PEX5L: variants seen among roughly 807,000 people sequenced by gnomAD.
PEX5L encodes the protein PEX5-related protein.
PEX5L carries 30 observed loss-of-function variants against 84.0 expected under a neutral mutation model. That is an observed-to-expected ratio of 0.36 (90% confidence interval 0.27 to 0.48). The LOEUF is 0.48. Ranked by LOEUF, PEX5L falls within the 20% of genes least tolerant of loss-of-function variation. The probability of loss-of-function intolerance (pLI) is 0.99; values close to 1 mark genes in which losing one functional copy is unlikely to be tolerated. For synonymous variants in PEX5L, 270 were observed against 283.1 expected, an observed-to-expected ratio of 0.95 and a Z score of 0.46; for missense variants, 533 against 754.6, an observed-to-expected ratio of 0.71 and a Z score of 3.44.
intron 5 of PEX5L, among the ~76,000 whole-genome samples, chr3:179,879,375 G>T (rs1288371043): frequency 1.3e-5 from 2 of 152,110 alleles, no homozygotes; most frequent in Non-Finnish European, 2.9e-5. Flanking sequence ...TGGGCAAATT[G>T]CTTAAATTTT....
chr3:179,987,882 G>T (rs1276913640), intron 1 of PEX5L, among the ~76,000 whole-genome samples: 5 of 152,102 alleles, frequency 3.3e-5, no homozygotes, highest in Non-Finnish European at 7.4e-5. Flanking sequence ...TTGGAAAGTG[G>T]GTAGAGAAGA....
intron 14 of PEX5L, among the ~76,000 whole-genome samples, chr3:179,806,630 AAAT>A (rs1392729392): frequency 6.6e-6 from 1 of 152,258 alleles, no homozygotes; most frequent in African/African-American, 2.4e-5. Context: ...CTTACTAAAT[AAAT>A]AATAGTAATA....
chr3:179,956,933 T>C (rs1014370660), intron 2 of PEX5L, among the ~76,000 whole-genome samples: 8 of 152,174 alleles, frequency 5.3e-5, no homozygotes, highest in African/African-American at 1.9e-4. Context: ...TTTTCCTCTT[T>C]AATTTGATAA....
chr3:179,971,578 G>GT lies in PEX5L; in HGVS notation c.93+15dup. On this transcript the variant is annotated intron_variant, in intron 2 of 14. Coordinates refer to ENST00000467460, the MANE Select transcript of PEX5L (RefSeq NM_016559.3). ...TACAGTAGAACAGTAGAAAATGTAC[G>GT]TAAGTATTCACTTACCTGCTTTTGA... The GT allele has an allele frequency of 1.2e-6, 2 of 1,602,532 alleles. No individual in the cohort carries two copies. The highest frequency in any genetic ancestry group is 2.3e-5 in the East Asian group (1 of 44,444).
chr3:179,917,333 CTTTT>C (rs879717616), intron 2 of PEX5L, among the ~76,000 whole-genome samples: 2 of 147,794 alleles, frequency 1.4e-5, no homozygotes, highest in African/African-American at 5.0e-5. Flanking sequence ...TTACAGCTAA[CTTTT>C]TTTTTTTTTT....
At position 179,833,870 on chromosome 3, in the gene PEX5L, T is replaced by C. The variant is rs544617270; in HGVS notation, c.823-13894A>G. The stretch of plus-strand genomic sequence containing the variant: ...TAAATTTTTTACTTATTATTATTAT[T>C]CTTGCCCAGGCTAGAGTGCAGTGGT... On this transcript the variant is annotated intron_variant, in intron 8 of 14. Transcript: ENST00000467460. 5.9e-5 allele frequency among the ~76,000 whole-genome samples: 9 copies of C among 152,308 alleles called. 2 individuals carry two copies. The East Asian group carries it at 1.2e-3, about 20-fold the overall frequency.
intron 8 of PEX5L, among the ~76,000 whole-genome samples, chr3:179,857,100 G>A (rs1403944519): frequency 2.6e-5 from 4 of 152,138 alleles, no homozygotes; most frequent in African/African-American, 4.8e-5. Flanking sequence ...AAGCCTTCTA[G>A]GATTTTGTAA....
chr3:179,966,129 A>G lies in PEX5L; in HGVS notation c.93+5465T>C, dbSNP rs377314764. The stretch of plus-strand genomic sequence containing the variant: ...TTTCATCGATCAATCTTTCCTGAGG[A>G]AAACACTAATGAGCCTATGTCTGCT... On this transcript the variant is annotated intron_variant, in intron 2 of 14. Coordinates refer to ENST00000467460, the MANE Select transcript of PEX5L (RefSeq NM_016559.3). 1.2e-4 allele frequency among the ~76,000 whole-genome samples: 18 copies of G among 152,344 alleles called. 1 individual carries two copies. Among genetic ancestry groups the G allele is most frequent in the Admixed American group, 3.9e-4 (6 of 15,296 alleles).
intron 7 of PEX5L, among the ~76,000 whole-genome samples, chr3:179,871,928 C>A (rs966812142): frequency 1.3e-5 from 2 of 152,216 alleles, no homozygotes; most frequent in South Asian, 4.1e-4. Flanking sequence ...GCTCTGTCTC[C>A]CATGCTGGAG....
chr3:179,974,015 C>T (rs1296158058), intron 1 of PEX5L: 2 of 985,458 alleles, frequency 2.0e-6, no homozygotes, highest in Non-Finnish European at 2.4e-6. Flanking sequence ...CACTCACTTA[C>T]TGCTTATTTC....
At chr3:179,966,454 G>C (rs1312387157) in intron 2 of PEX5L, among the ~76,000 whole-genome samples, 1 of 152,106 alleles carries the variant, frequency 6.6e-6, no homozygotes, top group Admixed American at 6.6e-5. Flanking sequence ...GGCCAGATGG[G>C]GCTGGTGACC....
chr3:179,902,316 T>C (rs1013837037), intron 2 of PEX5L, among the ~76,000 whole-genome samples: 1 of 152,204 alleles, frequency 6.6e-6, no homozygotes, highest in African/African-American at 2.4e-5. Flanking sequence ...TTAGTGAGGC[T>C]GGAGGGCTCT....
rs968548991 is a variant in PEX5L, at chr3:179,816,871, G to T, written c.940-867C>A. ...TAGATAATACTAAATAATATAAAAA[G>T]ATACAAAAAGTTACCTGTAATGCCA... On this transcript the variant is annotated intron_variant, in intron 9 of 14. Coordinates refer to ENST00000467460, the MANE Select transcript of PEX5L (RefSeq NM_016559.3). Among the ~76,000 whole-genome samples, 13 of 151,000 alleles carry T rather than the reference G, an allele frequency of 8.6e-5. No individual in the cohort carries two copies. The South Asian group carries it at 1.7e-3, about 20-fold the overall frequency.
At chr3:179,922,454 T>TC (rs1438180185) in intron 2 of PEX5L, among the ~76,000 whole-genome samples, 5 of 149,412 alleles carry the variant, frequency 3.3e-5, no homozygotes, top group Non-Finnish European at 6.0e-5. Context: ...TTCTTTTCTT[T>TC]TTTTTTTTTT....
chr3:179,913,347 T>A (rs1331195689), intron 2 of PEX5L, among the ~76,000 whole-genome samples: 1 of 152,164 alleles, frequency 6.6e-6, no homozygotes, highest in African/African-American at 2.4e-5. Context: ...TATTCAATGA[T>A]ATAAAAACAT....
chr3:179,902,652 T>C, intron 2 of PEX5L: 1 of 456,388 alleles, frequency 2.2e-6, no homozygotes, highest in Non-Finnish European at 4.4e-6. Flanking sequence ...TAAATGCCAC[T>C]TTTACTAAGA....
intron 2 of PEX5L, among the ~76,000 whole-genome samples, chr3:179,909,022 T>C (rs532572458): frequency 6.8e-4 from 104 of 152,314 alleles, no homozygotes; most frequent in African/African-American, 2.5e-3. Flanking sequence ...GAATTGACTA[T>C]GAACTATGAC....
In PEX5L at chr3:179,969,966, T is replaced by A. The variant is rs1368484956; in HGVS notation, c.93+1628A>T. Among the ~76,000 whole-genome samples the A allele has an allele frequency of 2.6e-5, 4 of 152,208 alleles. No homozygotes were observed. The East Asian group carries it at 7.7e-4, about 29-fold the overall frequency. The stretch of plus-strand genomic sequence containing the variant: ...ATGTGTTTAGTCACAACAATAGAAA[T>A]TTTGTCAAAGGTATCATGAGAAAAA... On this transcript the variant is annotated intron_variant, in intron 2 of 14. Coordinates refer to ENST00000467460, the MANE Select transcript of PEX5L (RefSeq NM_016559.3).
At chr3:179,852,844 T>C (rs1742423454) in intron 8 of PEX5L, among the ~76,000 whole-genome samples, 1 of 152,230 alleles carries the variant, frequency 6.6e-6, no homozygotes, top group African/African-American at 2.4e-5. Flanking sequence ...ATATTAGAGT[T>C]AAGCAGAACG....
Sources: gnomAD v4.1 joint callset for allele counts (sites outside exome capture counted in the v4.1 genomes callset) on GRCh38, gnomAD v4.1.1 for gene constraint, MANE v1.5 for transcripts, NCBI Gene and HGNC (gene_info 2026-07-23, HGNC 2026-07-21) for gene names.